Variants in NUGGC observed in about 807,000 individuals in gnomAD.
NUGGC encodes nuclear GTPase, germinal center associated.
NUGGC carries 58 observed loss-of-function variants against 92.6 expected under a neutral mutation model. The observed-to-expected ratio is 0.63, with a 90% CI of 0.51 to 0.78. The LOEUF is 0.78. Among genes scored for constraint, NUGGC ranks in the 30% least tolerant of loss-of-function variants. NUGGC has a pLI of 0.00. For missense variants in NUGGC, 925 were observed against 964.6 expected, an observed-to-expected ratio of 0.96 and a Z score of 0.54; for synonymous variants, 376 against 366.4, an observed-to-expected ratio of 1.03 and a Z score of -0.30.
At chr8:28,070,112 A>T in intron 3 of NUGGC, 140 bp downstream of exon 3, 1 of 1,438,476 alleles carries the variant, frequency 7.0e-7, no homozygotes, top group South Asian at 1.6e-5. Context: ...CGCTACAGAG[A>T]CTTTGAGCCC....
chr8:28,025,581 G>A (rs1390446691), intron 18 of NUGGC, among the ~76,000 whole-genome samples: 2 of 152,170 alleles, frequency 1.3e-5, no homozygotes, highest in Non-Finnish European at 2.9e-5. Context: ...TGGACAGAAG[G>A]TCATGAGAGT....
rs4054869 is a variant in NUGGC at position 28,046,680 on chromosome 8, A to ATTTTT, written c.1312+822_1312+826dup. Among the ~76,000 whole-genome samples, 15 of 139,614 alleles carry ATTTTT rather than the reference A, an allele frequency of 1.1e-4. 1 individual carries two copies. Among genetic ancestry groups the ATTTTT allele is most frequent in the Non-Finnish European group, 1.4e-4 (9 of 65,138 alleles). The allele number at this position is 139,614 out of a possible 152,430, so 91.6% of individuals were successfully genotyped here. ...AGGGGACTAAGGAAATGATAACCCA[A>ATTTTT]TTTTTTTTTTTTTTTTTGAGACGAA... On this transcript the variant is annotated intron_variant, in intron 11 of 18. Transcript: ENST00000413272.
chr8:28,068,538 G>T, intron 4 of NUGGC, 100 bp from the exon 5 acceptor site: 3 of 775,108 alleles, frequency 3.9e-6, no homozygotes, highest in South Asian at 3.4e-5. Context: ...TCCCGGGCAC[G>T]TCACTACAAC....
At chr8:28,061,790 G>A (rs191608938) in intron 7 of NUGGC, among the ~76,000 whole-genome samples, 2 of 152,034 alleles carry the variant, frequency 1.3e-5, no homozygotes, top group Non-Finnish European at 2.9e-5. Context: ...GACAACCTTG[G>A]GGGGGTACTT....
At chr8:28,074,506 CA>C in intron 1 of NUGGC, 50 bp from the exon 2 acceptor site, 1 of 1,285,248 alleles carries the variant, frequency 7.8e-7, no homozygotes, top group Non-Finnish European at 1.1e-6. Context: ...TTTGAAAATA[CA>C]GAAAGCAAAC....
intron 18 of NUGGC, among the ~76,000 whole-genome samples, chr8:28,024,506 T>C (rs891331551): frequency 9.9e-5 from 15 of 152,214 alleles, no homozygotes; most frequent in Non-Finnish European, 1.5e-5. Flanking sequence ...GGCCAACTTC[T>C]TAAAATAAAT....
chr8:28,033,997 A>T (rs1006835785), intron 13 of NUGGC, among the ~76,000 whole-genome samples: 1 of 152,220 alleles, frequency 6.6e-6, no homozygotes, highest in Non-Finnish European at 1.5e-5. Context: ...CCATTAGCTC[A>T]TTGAAATCAG....
chr8:28,036,111 C>T (rs1809547956), intron 13 of NUGGC, among the ~76,000 whole-genome samples: 1 of 152,074 alleles, frequency 6.6e-6, no homozygotes, highest in Admixed American at 6.6e-5. Context: ...TGGCCTCAAG[C>T]AATCCTTCTG....
intron 6 of NUGGC, 133 bp downstream of exon 6, chr8:28,067,377 GGATA>G: frequency 1.5e-6 from 1 of 649,924 alleles, no homozygotes; most frequent in Non-Finnish European, 2.7e-6. Flanking sequence ...CTTGGGCTAC[GGATA>G]CTTCTAATTT....
chr8:28,029,382 T>A lies in NUGGC; in HGVS notation c.2038A>T (p.Lys680Ter), dbSNP rs200246237. ...TCTTTCATCCGCTCACACGCTTTTT[T>A]GCCCGTGATCTGAGCTGCCTCTGGC... ...CYEEAAQITGKKACERMKDAI... is the reference protein window; with the variant it reads ...CYEEAAQITG The change falls in exon 17 of 19, where the codon AAA becomes TAA. Residue 680 changes from lysine (K) to a stop codon, truncating the protein, a stop_gained. Transcript: ENST00000413272. LOFTEE classifies it high-confidence loss of function. 6.2e-7 allele frequency: 1 copy of A among 1,612,796 alleles called. No individual in the cohort carries two copies. Among genetic ancestry groups the A allele is most frequent in the East Asian group, 2.2e-5 (1 of 44,818 alleles).
At chr8:28,039,864 AG>A (rs1809648554) in intron 13 of NUGGC, among the ~76,000 whole-genome samples, 1 of 152,214 alleles carries the variant, frequency 6.6e-6, no homozygotes, top group South Asian at 2.1e-4. Context: ...CCTAACCACC[AG>A]GGTGACTGTG....
intron 18 of NUGGC, among the ~76,000 whole-genome samples, chr8:28,024,247 G>A (rs536733358): frequency 8.8e-4 from 120 of 136,126 alleles, no homozygotes; most frequent in African/African-American, 2.8e-3. Context: ...GTTTCACCAC[G>A]TTGGCCAGGC....
At chr8:28,046,631 T>C (rs1275846327) in intron 11 of NUGGC, among the ~76,000 whole-genome samples, 6 of 151,982 alleles carry the variant, frequency 3.9e-5, no homozygotes, top group African/African-American at 1.5e-4. Flanking sequence ...CAGGAAACAA[T>C]TCTAATGCCT....
At position 28,030,408 on chromosome 8, in the gene NUGGC, A is replaced by T. The variant is rs560923166; in HGVS notation, c.1919T>A (p.Ile640Asn). 6.4e-7 allele frequency: 1 copy of T among 1,563,252 alleles called. No homozygotes were observed. The highest frequency in any genetic ancestry group is 1.4e-5 in the African/African-American group (1 of 74,028). The change falls in exon 16 of 19, where the codon ATC (isoleucine) becomes AAC (asparagine). Residue 640 changes from isoleucine (I) to asparagine (N), a missense_variant. Coordinates refer to ENST00000413272, the MANE Select transcript of NUGGC (RefSeq NM_001010906.2). ...GATGTGGTCCTCCAGGCCCCCGAGG[A>T]TGGCACTTATCTGGGAAGATGTGGC... ...KNFLIQEISA[I>N]LGGLEDHILR...
chr8:28,067,966 C>T (rs547479820), intron 5 of NUGGC, among the ~76,000 whole-genome samples: 9 of 152,264 alleles, frequency 5.9e-5, no homozygotes, highest in Admixed American at 2.6e-4. Context: ...TGAACTTTCT[C>T]CTGGGATGGG....
chr8:28,051,302 G>T (rs1809995795), intron 10 of NUGGC, among the ~76,000 whole-genome samples: 1 of 152,062 alleles, frequency 6.6e-6, no homozygotes, highest in African/African-American at 2.4e-5. Context: ...AGCTTAAAGG[G>T]TTCCCACTGG....
At chr8:28,037,320 A>G (rs988827639) in intron 13 of NUGGC, among the ~76,000 whole-genome samples, 8 of 152,062 alleles carry the variant, frequency 5.3e-5, no homozygotes, top group African/African-American at 1.9e-4. Context: ...CTATTCCCCC[A>G]AAACTCTGCC....
intron 6 of NUGGC, among the ~76,000 whole-genome samples, chr8:28,065,581 C>T (rs1490948350): frequency 1.3e-5 from 2 of 151,972 alleles, no homozygotes; most frequent in African/African-American, 4.8e-5. Context: ...GTTCTTAGAC[C>T]ACGGTTCCTA....
At chr8:28,023,887 C>A (rs1809182768) in intron 18 of NUGGC, among the ~76,000 whole-genome samples, 1 of 152,038 alleles carries the variant, frequency 6.6e-6, no homozygotes, top group South Asian at 2.1e-4. Flanking sequence ...TGTAATCAAA[C>A]CATGTTCTCA....
Sources: gnomAD v4.1 joint callset for allele counts (sites outside exome capture counted in the v4.1 genomes callset) on GRCh38, gnomAD v4.1.1 for gene constraint, MANE v1.5 for transcripts, NCBI Gene and HGNC (gene_info 2026-07-23, HGNC 2026-07-21) for gene names.